The following DCAF5 variants were observed in gnomAD, a reference collection of about 807,000 sequenced individuals.
The protein encoded by DCAF5 is DDB1 and CUL4 associated factor 5.
A neutral mutation model predicts 80.7 loss-of-function variants in DCAF5; 9 were observed. The observed-to-expected ratio is 0.11, with a 90% confidence interval of 0.07 to 0.19. The LOEUF (loss-of-function observed/expected upper bound fraction) is 0.19. Ranked by LOEUF, DCAF5 falls within the 10% of genes least tolerant of loss-of-function variation. The probability of loss-of-function intolerance (pLI) is 1.00; values close to 1 mark genes in which losing one functional copy is unlikely to be tolerated. For missense variants in DCAF5, 842 were observed against 1,205.7 expected, an observed-to-expected ratio of 0.70 and a Z score of 4.47; for synonymous variants, 433 against 461.9, an observed-to-expected ratio of 0.94 and a Z score of 0.80.
intron 8 of DCAF5, among the ~76,000 whole-genome samples, chr14:69,056,041 CAG>C (rs2037958085): frequency 6.6e-6 from 1 of 152,162 alleles, no homozygotes. Context: ...AAGCTGTGCA[CAG>C]AGAGGTACCA....
At chr14:69,120,072 T>C (rs764745739) in intron 2 of DCAF5, among the ~76,000 whole-genome samples, 1 of 152,110 alleles carries the variant, frequency 6.6e-6, no homozygotes, top group East Asian at 1.9e-4. Flanking sequence ...TTGCTCTGTT[T>C]GTCTTTTAAA....
At chr14:69,090,113 A>C (rs979011472) in intron 6 of DCAF5, 8 of 985,272 alleles carry the variant, frequency 8.1e-6, no homozygotes, top group Non-Finnish European at 9.6e-6. Context: ...ATTATTCAAC[A>C]AAACAAGAAT....
At chr14:69,090,889 G>T (rs2039508630) in intron 6 of DCAF5, 1 of 556,114 alleles carries the variant, frequency 1.8e-6, no homozygotes, top group South Asian at 2.5e-5. Context: ...TGTTGTGCTT[G>T]AGAATAAAAA....
At chr14:69,141,780 A>G (rs1390907577) in intron 1 of DCAF5, among the ~76,000 whole-genome samples, 1 of 152,228 alleles carries the variant, frequency 6.6e-6, no homozygotes, top group Non-Finnish European at 1.5e-5. Flanking sequence ...AAGGGAATAC[A>G]GGAATCAGTC....
chr14:69,056,545 C>T (rs879737176), intron 8 of DCAF5, among the ~76,000 whole-genome samples: 1 of 152,234 alleles, frequency 6.6e-6, no homozygotes, highest in Non-Finnish European at 1.5e-5. Flanking sequence ...GACTGGTTCA[C>T]AGCAGCACAG....
intron 7 of DCAF5, among the ~76,000 whole-genome samples, chr14:69,069,349 G>A (rs2038593742): frequency 6.6e-6 from 1 of 152,212 alleles, no homozygotes; most frequent in Non-Finnish European, 1.5e-5. Flanking sequence ...TGAGTCAAGG[G>A]CAGCCTTCAT....
chr14:69,084,698 C>T, intron 6 of DCAF5: 1 of 1,286,356 alleles, frequency 7.8e-7, no homozygotes, highest in Non-Finnish European at 1.1e-6. Flanking sequence ...CGTGAAATAC[C>T]ACTATGAGTT....
At chr14:69,097,488 T>A (rs1220209392) in intron 5 of DCAF5, among the ~76,000 whole-genome samples, 2 of 152,080 alleles carry the variant, frequency 1.3e-5, no homozygotes, top group African/African-American at 2.4e-5. Context: ...GCACCTACTA[T>A]ATGCAATGTA....
At chr14:69,068,812 G>C (rs2038569446) in intron 7 of DCAF5, among the ~76,000 whole-genome samples, 1 of 151,944 alleles carries the variant, frequency 6.6e-6, no homozygotes, top group African/African-American at 2.4e-5. Flanking sequence ...GTGAACAGTT[G>C]CAGGGTCTTC....
rs531311625 is a variant in DCAF5 at position 69,134,715 on chromosome 14, T to C, written c.215-12355A>G. ...CAGACTCACTAGTAATCAAGGCCAG[T>C]TGTATGAGAAGTCATAATACACTTT... On this transcript the variant is annotated intron_variant, in intron 1 of 8. Transcript: ENST00000341516. 1.2e-4 allele frequency among the ~76,000 whole-genome samples: 19 copies of C among 152,322 alleles called. No individual in the cohort carries two copies. In the South Asian group the frequency reaches 3.9e-3, roughly 32 times the overall value.
At chr14:69,100,807 A>G (rs774209618) in intron 5 of DCAF5, among the ~76,000 whole-genome samples, 30 of 152,220 alleles carry the variant, frequency 2.0e-4, no homozygotes, top group Non-Finnish European at 4.0e-4. Context: ...AGAAGCCAAG[A>G]TTATTATTGA....
At chr14:69,087,142 A>T (rs1382412424) in intron 6 of DCAF5, among the ~76,000 whole-genome samples, 1 of 152,224 alleles carries the variant, frequency 6.6e-6, no homozygotes, top group East Asian at 1.9e-4. Context: ...ATCTAGGACA[A>T]GAGCCATTTA....
intron 6 of DCAF5, among the ~76,000 whole-genome samples, chr14:69,081,746 T>C (rs538280132): frequency 4.4e-5 from 6 of 137,316 alleles, no homozygotes; most frequent in South Asian, 2.8e-4. Context: ...TTGACCTTTA[T>C]AGAAAATGTG....
Position 69,051,843 on chromosome 14 carries a change from A to G in DCAF5, c.*2014T>C, listed in dbSNP as rs1277572736. On this transcript the variant is annotated 3_prime_UTR_variant, in exon 9 of 9. Transcript: ENST00000341516. Reference sequence around the variant, plus strand: ...ACTAAGAAGGGGAAGAGAAACACACACTGAGTGATCGTATTTTTTTTGTAT... The same window carrying G: ...ACTAAGAAGGGGAAGAGAAACACACGCTGAGTGATCGTATTTTTTTTGTAT... The G allele has an allele frequency of 6.5e-6, 1 of 152,674 alleles. No individual in the cohort carries two copies. The highest frequency in any genetic ancestry group is 1.5e-5 in the Non-Finnish European group (1 of 68,050). 9.5% of individuals were successfully genotyped at this position (152,674 alleles called of 1,614,324 possible).
rs2040622375 is a variant in DCAF5 at position 69,118,983 on chromosome 14, T to C, written c.395+211A>G. On this transcript the variant is annotated intron_variant, in intron 3 of 8. Coordinates refer to ENST00000341516, the MANE Select transcript of DCAF5 (RefSeq NM_003861.3). The surrounding 1 kb of genome is among the most constrained non-coding windows in gnomAD (Gnocchi z 4.0). The stretch of plus-strand genomic sequence containing the variant: ...TTTTCACCTAAAAAGTACACTCTCA[T>C]ACCAACTTTCAAAACTTTCAAATCC... 1.8e-6 allele frequency: 1 copy of C among 553,554 alleles called. No individual in the cohort carries two copies. Among genetic ancestry groups the C allele is most frequent in the Non-Finnish European group, 3.1e-6 (1 of 319,906 alleles). 34.3% of individuals were successfully genotyped at this position (553,554 alleles called of 1,614,324 possible).
intron 4 of DCAF5, 30 bp from the exon 5 acceptor site, chr14:69,116,525 C>T (rs2040549204): frequency 6.2e-7 from 1 of 1,600,626 alleles, no homozygotes; most frequent in Admixed American, 1.7e-5. Context: ...AATCAGTTCA[C>T]TCCAGGTACC....
rs749407536 is a variant in DCAF5, at chr14:69,054,782, C to CGAG, written c.1903_1904insCTC (p.Glu634_Arg635insPro). 2.1e-5 allele frequency: 34 copies of CGAG among 1,614,078 alleles called. No homozygotes were observed. The highest frequency in any genetic ancestry group is 6.7e-5 in the African/African-American group (5 of 74,930). On this transcript the variant is annotated inframe_insertion, in exon 9 of 9. Transcript: ENST00000341516. ...TTGAATCTCTAGCGTGGAAGTGCTC[C>CGAG]GCTCAGGGGACGAGGTTGGGGAGGA...
chr14:69,089,865 T>C (rs572405226), intron 6 of DCAF5: 39 of 899,458 alleles, frequency 4.3e-5, no homozygotes, highest in African/African-American at 2.7e-4. Flanking sequence ...TTATAATGCA[T>C]AGGACAGCTC....
Position 69,153,061 on chromosome 14 carries a change from C to G in DCAF5, c.-83G>C. 1 of 1,108,118 alleles carries G rather than the reference C, an allele frequency of 9.0e-7. No individual in the cohort carries two copies. Among genetic ancestry groups the G allele is most frequent in the Non-Finnish European group, 1.2e-6 (1 of 831,262 alleles). The allele number at this position is 1,108,118 out of a possible 1,614,324, so 68.6% of individuals were successfully genotyped here. ...GCCGCTGCTCCCCCCACCCGGCCCT[C>G]CCCCCGCGCTGCGATCCGGATGGTT... On this transcript the variant is annotated 5_prime_UTR_variant, in exon 1 of 9. Transcript: ENST00000341516.
Sources: allele counts gnomAD v4.1 joint callset (sites outside exome capture counted in the v4.1 genomes callset), GRCh38; gene constraint gnomAD v4.1.1; non-coding constraint Gnocchi (gnomAD v3.1); transcripts MANE v1.5; gene names NCBI Gene and HGNC (gene_info 2026-07-23, HGNC 2026-07-21).